SYT14: variants seen among roughly 807,000 people sequenced by gnomAD.
SYT14 encodes synaptotagmin 14, also known as synaptotagmin-14.
In SYT14, 32 loss-of-function variants were observed where a neutral mutation model predicts 74.2. The ratio of observed to expected loss-of-function variants is 0.43; its 90% CI spans 0.33 to 0.58. SYT14 has a LOEUF of 0.58. SYT14 is among the 20% of genes least tolerant of loss of function. The pLI, the probability that SYT14 is intolerant of heterozygous loss-of-function variation, is 0.05. For synonymous variants in SYT14, 298 were observed against 337.7 expected (o/e 0.88, Z 1.29); for missense variants, 791 against 981.8 (o/e 0.81, Z 2.60).
intron 5 of SYT14, among the ~76,000 whole-genome samples, chr1:210,035,091 C>A (rs904227372): frequency 4.6e-5 from 7 of 151,786 alleles, no homozygotes; most frequent in African/African-American, 1.7e-4. Flanking sequence ...ACATTCTCAC[C>A]AACAGTATAT....
chr1:210,097,202 G>C (rs1291184302), intron 6 of SYT14, among the ~76,000 whole-genome samples: 1 of 152,108 alleles, frequency 6.6e-6, no homozygotes, highest in Non-Finnish European at 1.5e-5. Context: ...CCTTGTAATA[G>C]ATATTATGTG....
chr1:210,124,222 C>T (rs2082522574), intron 7 of SYT14, among the ~76,000 whole-genome samples: 1 of 150,192 alleles, frequency 6.7e-6, no homozygotes, highest in Non-Finnish European at 1.5e-5. Flanking sequence ...GTTTGCTAAC[C>T]CATTAATTAG....
At chr1:210,067,025 A>G (rs561383778) in intron 5 of SYT14, among the ~76,000 whole-genome samples, 29 of 152,154 alleles carry the variant, frequency 1.9e-4, no homozygotes, top group African/African-American at 7.0e-4. Flanking sequence ...ATTCTTTTGC[A>G]TGTGAATAAC....
intron 2 of SYT14, among the ~76,000 whole-genome samples, chr1:209,973,945 A>G (rs989506378): frequency 2.0e-5 from 3 of 151,962 alleles, no homozygotes; most frequent in Non-Finnish European, 2.9e-5. Flanking sequence ...TTTGATTTGC[A>G]TTTCTCTGAT....
chr1:210,145,212 A>T (rs2083006130), intron 7 of SYT14, among the ~76,000 whole-genome samples: 1 of 152,206 alleles, frequency 6.6e-6, no homozygotes, highest in Non-Finnish European at 1.5e-5. Context: ...TTTGCTCAGG[A>T]TATAAAATGT....
At chr1:210,111,150 A>G (rs1056374745) in intron 7 of SYT14, among the ~76,000 whole-genome samples, 1 of 152,196 alleles carries the variant, frequency 6.6e-6, no homozygotes, top group African/African-American at 2.4e-5. Flanking sequence ...AAAGCTTTTT[A>G]ATCACCTGGG....
At chr1:210,032,349 T>TA (rs1312148599) in intron 5 of SYT14, among the ~76,000 whole-genome samples, 1 of 152,070 alleles carries the variant, frequency 6.6e-6, no homozygotes, top group Non-Finnish European at 1.5e-5. Context: ...ATTACCTTTT[T>TA]ATCACCATCT....
At position 210,064,492 on chromosome 1, in the gene SYT14, C is replaced by A. The variant is rs117915012; in HGVS notation, c.1313-29830C>A. Among the ~76,000 whole-genome samples, 58 of 152,118 alleles carry A rather than the reference C, an allele frequency of 3.8e-4. 1 individual carries two copies. In the East Asian group the frequency reaches 0.011, roughly 28 times the overall value. On this transcript the variant is annotated intron_variant, in intron 5 of 9. Transcript: ENST00000637265. The stretch of plus-strand genomic sequence containing the variant: ...TCTGTCTCTATGAATTTATATGTTA[C>A]AAATAACTGATGTAAATGGAATCAT...
exon 10 of SYT14, chr1:210,164,852 TC>T (rs1397971107): frequency 3.9e-5 from 6 of 152,166 alleles, no homozygotes; most frequent in Admixed American, 3.3e-4. Context: ...CCTCAGTTCC[TC>T]TGTGGCCTAC....
chr1:210,046,521 G>C (rs186519248), intron 5 of SYT14, among the ~76,000 whole-genome samples: 3 of 152,130 alleles, frequency 2.0e-5, no homozygotes, highest in African/African-American at 7.2e-5. Context: ...CCTATTTACA[G>C]TTAATCCCTA....
intron 7 of SYT14, among the ~76,000 whole-genome samples, chr1:210,141,576 T>C (rs535804758): frequency 6.6e-6 from 1 of 152,336 alleles, no homozygotes; most frequent in East Asian, 1.9e-4. Flanking sequence ...TGTTGCTGTT[T>C]GTTGTTGTCA....
chr1:209,972,329 T>C (rs2079270617), intron 2 of SYT14, among the ~76,000 whole-genome samples: 1 of 152,030 alleles, frequency 6.6e-6, no homozygotes, highest in Admixed American at 6.6e-5. Context: ...TGATTCTTCG[T>C]ATGGATTTGG....
At chr1:209,993,229 G>A (rs778040426) in intron 2 of SYT14, among the ~76,000 whole-genome samples, 3 of 152,240 alleles carry the variant, frequency 2.0e-5, no homozygotes, top group Non-Finnish European at 4.4e-5. Flanking sequence ...AGTGGGGCTG[G>A]CTTCGCCATG....
At chr1:210,064,960 C>A (rs766877927) in intron 5 of SYT14, among the ~76,000 whole-genome samples, 12 of 151,988 alleles carry the variant, frequency 7.9e-5, no homozygotes, top group Non-Finnish European at 1.5e-4. Flanking sequence ...TTAATGGTAG[C>A]CATTCTAGTG....
At chr1:210,088,952 C>T (rs1284874990) in intron 5 of SYT14, among the ~76,000 whole-genome samples, 1 of 151,802 alleles carries the variant, frequency 6.6e-6, no homozygotes, top group Non-Finnish European at 1.5e-5. Context: ...CATAGATATA[C>T]ACGTGCCATG....
At chr1:209,994,821 T>C (rs773964795) in intron 2 of SYT14, among the ~76,000 whole-genome samples, 9 of 152,160 alleles carry the variant, frequency 5.9e-5, no homozygotes, top group Non-Finnish European at 8.8e-5. Context: ...CCAGAAGAAA[T>C]TGGGGGCCTA....
At chr1:209,941,416 G>A (rs2078728308) in intron 1 of SYT14, among the ~76,000 whole-genome samples, 1 of 152,192 alleles carries the variant, frequency 6.6e-6, no homozygotes, top group Non-Finnish European at 1.5e-5. Flanking sequence ...GGCAATACCA[G>A]GTTGGGAATC....
intron 5 of SYT14, among the ~76,000 whole-genome samples, chr1:210,073,038 A>C (rs2081424377): frequency 6.7e-6 from 1 of 149,996 alleles, no homozygotes; most frequent in Non-Finnish European, 1.5e-5. Context: ...CTTGTATTGC[A>C]TTGCAATTCA....
intron 2 of SYT14, among the ~76,000 whole-genome samples, chr1:210,008,216 G>A (rs1380578952): frequency 1.3e-5 from 2 of 152,068 alleles, no homozygotes; most frequent in Admixed American, 1.3e-4. Flanking sequence ...GTTGGTCTTG[G>A]TTTTGTTGTT....
Sources: allele counts gnomAD v4.1 joint callset (sites outside exome capture counted in the v4.1 genomes callset), GRCh38; gene constraint gnomAD v4.1.1; transcripts MANE v1.5; gene names NCBI Gene and HGNC (gene_info 2026-07-23, HGNC 2026-07-21).